Variants in CSMD3 observed in about 807,000 individuals in gnomAD.
CSMD3 encodes the protein CUB and Sushi multiple domains 3.
In CSMD3, 177 loss-of-function variants were observed where a neutral mutation model predicts 435.2. The ratio of observed to expected loss-of-function variants is 0.41; its 90% CI spans 0.36 to 0.46. The LOEUF is 0.46. Among genes scored for constraint, CSMD3 ranks in the 20% least tolerant of loss-of-function variants. CSMD3 has a pLI of 0.34. For missense variants in CSMD3, 4,265 were observed against 4,504.6 expected, an observed-to-expected ratio of 0.95 and a Z score of 1.52; for synonymous variants, 1,656 against 1,520.5, an observed-to-expected ratio of 1.09 and a Z score of -2.07.
chr8:112,417,586 G>C (rs963706109), intron 32 of CSMD3, among the ~76,000 whole-genome samples: 3 of 152,114 alleles, frequency 2.0e-5, no homozygotes, highest in Non-Finnish European at 2.9e-5. Context: ...AAAAAAGATA[G>C]AACTGCCTGG....
At chr8:112,254,445 T>A (rs1815595780) in intron 62 of CSMD3, 119 bp from the exon 63 acceptor site, 1 of 769,590 alleles carries the variant, frequency 1.3e-6, no homozygotes, top group East Asian at 2.5e-5. Context: ...AAATAATAAA[T>A]AATGTAAATG....
intron 1 of CSMD3, among the ~76,000 whole-genome samples, chr8:113,379,482 G>A (rs1347978926): frequency 2.0e-5 from 3 of 152,194 alleles, no homozygotes; most frequent in Non-Finnish European, 4.4e-5. Flanking sequence ...AGTGGAGGCA[G>A]ACCATGAAGA....
chr8:112,353,416 C>T (rs529251953), intron 38 of CSMD3, among the ~76,000 whole-genome samples: 25 of 152,172 alleles, frequency 1.6e-4, no homozygotes, highest in African/African-American at 6.0e-4. Context: ...AGGAGAAAAA[C>T]TGGTGTCTCA....
intron 31 of CSMD3, among the ~76,000 whole-genome samples, chr8:112,481,996 C>T (rs577087300): frequency 6.6e-6 from 1 of 151,644 alleles, no homozygotes; most frequent in Admixed American, 6.6e-5. Flanking sequence ...TTTCACACTT[C>T]TTTTTAATAC....
At chr8:112,244,707 A>G (rs1814533358) in intron 64 of CSMD3, 134 bp from the exon 65 acceptor site, 6 of 654,184 alleles carry the variant, frequency 9.2e-6, no homozygotes, top group Admixed American at 2.8e-5. Context: ...TATTCTAATA[A>G]ATCACAAAAA....
chr8:112,671,892 C>G (rs1056974557), intron 16 of CSMD3, among the ~76,000 whole-genome samples: 5 of 151,842 alleles, frequency 3.3e-5, no homozygotes, highest in Admixed American at 3.3e-4. Flanking sequence ...GAGGCTCTAA[C>G]CCCATTTTAA....
At chr8:112,378,322 A>G (rs1018816726) in intron 38 of CSMD3, among the ~76,000 whole-genome samples, 1 of 152,122 alleles carries the variant, frequency 6.6e-6, no homozygotes, top group African/African-American at 2.4e-5. Flanking sequence ...TCACTGCCGG[A>G]TATATCCAAA....
chr8:112,374,098 C>A (rs1361539374), intron 38 of CSMD3, among the ~76,000 whole-genome samples: 1 of 152,122 alleles, frequency 6.6e-6, no homozygotes, highest in Non-Finnish European at 1.5e-5. Context: ...TTTAAATTTT[C>A]TTGTTCGATC....
chr8:113,268,557 C>A (rs1318379769), intron 3 of CSMD3, among the ~76,000 whole-genome samples: 1 of 151,794 alleles, frequency 6.6e-6, no homozygotes, highest in African/African-American at 2.4e-5. Flanking sequence ...ACAGATTCGA[C>A]TGCAAGAAGT....
intron 32 of CSMD3, among the ~76,000 whole-genome samples, chr8:112,447,142 A>T (rs1034527478): frequency 2.6e-5 from 4 of 152,184 alleles, no homozygotes; most frequent in Non-Finnish European, 5.9e-5. Flanking sequence ...AGAAATTAAG[A>T]TAAGTCTAAC....
chr8:112,954,682 A>C lies in CSMD3; in HGVS notation c.1420+2T>G. On this transcript the variant is annotated splice_donor_variant, in intron 8 of 70. Transcript: ENST00000297405. LOFTEE classifies it high-confidence loss of function. ...AAAGTAACAAAAAAGAAGTACACTC[A>C]CAGATAGAAAACTTGTTGCTGTTGT... 1 of 1,579,808 alleles carries C rather than the reference A, an allele frequency of 6.3e-7. No homozygotes were observed. Among genetic ancestry groups the C allele is most frequent in the Non-Finnish European group, 8.7e-7 (1 of 1,150,068 alleles).
chr8:112,796,434 A>G (rs2078830423), intron 13 of CSMD3, among the ~76,000 whole-genome samples: 1 of 152,034 alleles, frequency 6.6e-6, no homozygotes, highest in Non-Finnish European at 1.5e-5. Flanking sequence ...AAAATGAGTA[A>G]TAATTCTTAC....
At chr8:112,606,948 A>G (rs1832833783) in intron 22 of CSMD3, among the ~76,000 whole-genome samples, 1 of 144,796 alleles carries the variant, frequency 6.9e-6, no homozygotes, top group African/African-American at 2.5e-5. Context: ...CAAATAAACA[A>G]TCCAACTTTA....
intron 2 of CSMD3, among the ~76,000 whole-genome samples, chr8:113,301,564 C>T (rs1033522317): frequency 1.3e-5 from 2 of 151,604 alleles, no homozygotes; most frequent in East Asian, 1.9e-4. Context: ...TAGGCAGTGG[C>T]TGTGGCAAGG....
intron 7 of CSMD3, among the ~76,000 whole-genome samples, chr8:112,970,609 G>A (rs917806116): frequency 2.0e-5 from 3 of 151,488 alleles, no homozygotes; most frequent in African/African-American, 7.3e-5. Flanking sequence ...ATTTATTTTT[G>A]TTGCAGACTA....
chr8:113,046,631 C>G (rs1057271646), intron 5 of CSMD3, among the ~76,000 whole-genome samples: 9 of 152,230 alleles, frequency 5.9e-5, no homozygotes, highest in African/African-American at 1.9e-4. Context: ...ATGAGATTGG[C>G]TTATGCACTG....
chr8:113,089,026 T>C (rs913497107), intron 5 of CSMD3, among the ~76,000 whole-genome samples: 7 of 152,130 alleles, frequency 4.6e-5, no homozygotes, highest in African/African-American at 1.7e-4. Context: ...AATTTCTCTT[T>C]TTTTCGTGTT....
At chr8:112,935,439 A>G (rs1346977824) in intron 9 of CSMD3, among the ~76,000 whole-genome samples, 1 of 152,040 alleles carries the variant, frequency 6.6e-6, no homozygotes, top group Non-Finnish European at 1.5e-5. Flanking sequence ...GTATTTCTGT[A>G]GAGAATGTCA....
intron 1 of CSMD3, among the ~76,000 whole-genome samples, chr8:113,358,588 CT>C (rs1382657918): frequency 1.3e-5 from 2 of 152,104 alleles, no homozygotes; most frequent in South Asian, 2.1e-4. Flanking sequence ...AAATAGAAAA[CT>C]TTTTTAAAGG....
Sources: gnomAD v4.1 joint callset for allele counts (sites outside exome capture counted in the v4.1 genomes callset) on GRCh38, gnomAD v4.1.1 for gene constraint, MANE v1.5 for transcripts, NCBI Gene and HGNC (gene_info 2026-07-23, HGNC 2026-07-21) for gene names.